Variants in UBA6 observed in about 807,000 individuals in gnomAD.
UBA6 encodes the protein ubiquitin-like modifier-activating enzyme 6.
Under a neutral mutation model 148.3 loss-of-function variants are expected in UBA6, and 87 were observed. The observed-to-expected ratio is 0.59, with a 90% CI of 0.49 to 0.70. The LOEUF is 0.70. Ranked by LOEUF, UBA6 falls within the 30% of genes least tolerant of loss-of-function variation. The probability of loss-of-function intolerance (pLI) is 0.00; values close to 1 mark genes in which losing one functional copy is unlikely to be tolerated. For synonymous variants in UBA6, 376 were observed against 401.0 expected, an observed-to-expected ratio of 0.94 and a Z score of 0.75; for missense variants, 1,186 against 1,241.2, an observed-to-expected ratio of 0.96 and a Z score of 0.67.
chr4:67,668,376 T>C (rs1335906840), intron 9 of UBA6, among the ~76,000 whole-genome samples, 175 bp downstream of exon 9: 3 of 152,186 alleles, frequency 2.0e-5, no homozygotes, highest in East Asian at 1.9e-4. Context: ...CCAGAATGAG[T>C]ATACTCTCTT....
At position 67,631,774 on chromosome 4, in the gene UBA6, G is replaced by T. The variant is rs1729003228; in HGVS notation, c.2195-3C>A. 4 of 1,611,194 alleles carry T rather than the reference G, an allele frequency of 2.5e-6. No homozygotes were observed. The highest frequency in any genetic ancestry group is 2.5e-6 in the Non-Finnish European group (3 of 1,178,750). Reference sequence around the variant, plus strand: ...CTTTGGTGACTGCCAAAATAAACCTGGCAAAAAGATACAAATATCATTTTC... The same window carrying T: ...CTTTGGTGACTGCCAAAATAAACCTTGCAAAAAGATACAAATATCATTTTC... On this transcript the variant is annotated splice_region_variant and splice_polypyrimidine_tract_variant and intron_variant, in intron 24 of 32. Transcript: ENST00000322244.
rs1728626767 is a variant in UBA6, at chr4:67,616,379, T to A, written c.*2618A>T. On this transcript the variant is annotated 3_prime_UTR_variant, in exon 33 of 33. Transcript: ENST00000322244. ...CATTTTACTAATTATAAAATAAACATAGTTGCTTTTTTAATGTTCCATGAA... is the reference window on the plus strand; with the variant it reads ...CATTTTACTAATTATAAAATAAACAAAGTTGCTTTTTTAATGTTCCATGAA... 2.9e-6 allele frequency: 1 copy of A among 344,726 alleles called. No homozygotes were observed. The highest frequency in any genetic ancestry group is 5.2e-6 in the Non-Finnish European group (1 of 192,862). 21.4% of individuals were successfully genotyped at this position (344,726 alleles called of 1,614,324 possible).
At chr4:67,638,823 G>A (rs1186060301) in intron 19 of UBA6, 120 bp downstream of exon 19, 3 of 668,910 alleles carry the variant, frequency 4.5e-6, no homozygotes, top group Non-Finnish European at 7.5e-6. Flanking sequence ...TGTTTGAGGA[G>A]TACTACAATA....
chr4:67,696,844 T>A (rs1730852212), intron 1 of UBA6, 137 bp from the exon 2 acceptor site: 1 of 628,678 alleles, frequency 1.6e-6, no homozygotes, highest in South Asian at 2.3e-5. Flanking sequence ...TTTACTTATA[T>A]TTTTTAAATG....
chr4:67,693,308 C>T (rs1730739456), intron 2 of UBA6, among the ~76,000 whole-genome samples: 1 of 151,362 alleles, frequency 6.6e-6, no homozygotes, highest in African/African-American at 2.4e-5. Flanking sequence ...TTTTCTCTAG[C>T]TTACTTTATT....
At chr4:67,625,929 C>G (rs181584103) in intron 28 of UBA6, among the ~76,000 whole-genome samples, 2 of 151,950 alleles carry the variant, frequency 1.3e-5, no homozygotes, top group East Asian at 3.9e-4. Flanking sequence ...TTACTAAAGA[C>G]TAAGAACCTA....
intron 28 of UBA6, among the ~76,000 whole-genome samples, chr4:67,626,057 T>C (rs1449349043): frequency 6.6e-6 from 1 of 151,910 alleles, no homozygotes; most frequent in Non-Finnish European, 1.5e-5. Context: ...ACAGAGCTTT[T>C]CATTCATGGT....
intron 16 of UBA6, among the ~76,000 whole-genome samples, chr4:67,645,633 ATTCC>A (rs1009550576): frequency 6.6e-6 from 1 of 152,008 alleles, no homozygotes; most frequent in Admixed American, 6.6e-5. Flanking sequence ...ACACTTCTAT[ATTCC>A]TTCATTTAGT....
Position 67,619,086 on chromosome 4 carries a change from G to C in UBA6, c.3070C>G (p.Leu1024Val), listed in dbSNP as rs759620907. 4 of 1,611,680 alleles carry C rather than the reference G, an allele frequency of 2.5e-6. No individual in the cohort carries two copies. The highest frequency in any genetic ancestry group is 3.4e-6 in the Non-Finnish European group (4 of 1,177,894). The change falls in exon 33 of 33, where the codon CTT (leucine) becomes GTT (valine). Residue 1024 changes from leucine (L) to valine (V), a missense_variant. Leu to Val is a conservative substitution (Grantham distance 32). Transcript: ENST00000322244. ...KPTTEKKYVD[L>V]TVSFAPDIDG... ...ATGTCTGGAGCAAATGACACAGTAAGATCCACATATTTCTTTTCAGTAGTA... is the reference window on the plus strand; with the variant it reads ...ATGTCTGGAGCAAATGACACAGTAACATCCACATATTTCTTTTCAGTAGTA...
chr4:67,638,940 T>C lies in UBA6; in HGVS notation c.1736+3A>G. 1 of 1,592,372 alleles carries C rather than the reference T, an allele frequency of 6.3e-7. No individual in the cohort carries two copies. The highest frequency in any genetic ancestry group is 8.6e-7 in the Non-Finnish European group (1 of 1,166,256). ...TGTAGGAACATGAATTTCAAGAACA[T>C]ACCTGTCTACGTATCTCCTGGCTTC... On this transcript the variant is annotated splice_donor_region_variant and intron_variant, in intron 19 of 32. Coordinates refer to ENST00000322244, the MANE Select transcript of UBA6 (RefSeq NM_018227.6).
chr4:67,699,837 C>G (rs1730932992), intron 1 of UBA6, among the ~76,000 whole-genome samples: 1 of 152,178 alleles, frequency 6.6e-6, no homozygotes, highest in Non-Finnish European at 1.5e-5. Context: ...CTCCTGAGCT[C>G]AAGCGACCCG....
chr4:67,614,470 C>G lies in UBA6; in HGVS notation c.*4527G>C, dbSNP rs536987830. 6 of 151,962 alleles carry G rather than the reference C, an allele frequency of 3.9e-5. No homozygotes were observed. The highest frequency in any genetic ancestry group is 1.5e-4 in the African/African-American group (6 of 41,362). The allele number at this position is 151,962 out of a possible 1,614,324, so 9.4% of individuals were successfully genotyped here. The stretch of plus-strand genomic sequence containing the variant: ...TGTTGATGAAATCTGTATTCACATA[C>G]GGGTATAATACATGACTTTGGTGGC... On this transcript the variant is annotated 3_prime_UTR_variant, in exon 33 of 33. Coordinates refer to ENST00000322244, the MANE Select transcript of UBA6 (RefSeq NM_018227.6).
At chr4:67,687,032 A>AT (rs1179837141) in intron 2 of UBA6, among the ~76,000 whole-genome samples, 1 of 108,332 alleles carries the variant, frequency 9.2e-6, no homozygotes, top group South Asian at 2.9e-4. Context: ...CTTTAAGACT[A>AT]TGTTTTTTTT....
intron 1 of UBA6, among the ~76,000 whole-genome samples, chr4:67,700,578 A>G (rs1327783133): frequency 6.6e-6 from 1 of 151,296 alleles, no homozygotes; most frequent in East Asian, 1.9e-4. Context: ...CAGGGTGTCC[A>G]GATTGCTACT....
At chr4:67,681,659 C>A in intron 3 of UBA6, 68 bp from the exon 4 acceptor site, 1 of 1,073,790 alleles carries the variant, frequency 9.3e-7, no homozygotes, top group Non-Finnish European at 1.4e-6. Flanking sequence ...CTTCACAGAG[C>A]TTAGTCACAT....
At chr4:67,670,650 T>C in intron 7 of UBA6, 58 bp from the exon 8 acceptor site, 1 of 1,278,414 alleles carries the variant, frequency 7.8e-7, no homozygotes, top group South Asian at 1.3e-5. Context: ...AACACTCTAG[T>C]ATCTTAGGCC....
intron 18 of UBA6, among the ~76,000 whole-genome samples, chr4:67,640,308 A>G (rs1363517239): frequency 6.6e-6 from 1 of 152,218 alleles, no homozygotes; most frequent in African/African-American, 2.4e-5. Context: ...TTTAGTTCAC[A>G]ACGGACCCTG....
At chr4:67,662,143 G>A (rs1051979025) in intron 13 of UBA6, 46 bp downstream of exon 13, 5 of 1,552,146 alleles carry the variant, frequency 3.2e-6, no homozygotes, top group Non-Finnish European at 4.4e-6. Context: ...GAACACTTAT[G>A]TATTAACAAA....
At chr4:67,638,039 T>A (rs1423533585) in intron 19 of UBA6, 1 of 152,146 alleles carries the variant, frequency 6.6e-6, no homozygotes, top group African/African-American at 2.4e-5. Flanking sequence ...ATAGGTAGAT[T>A]AGAGATCAGG....
Sources: gnomAD v4.1 joint callset for allele counts (sites outside exome capture counted in the v4.1 genomes callset) on GRCh38, gnomAD v4.1.1 for gene constraint, MANE v1.5 for transcripts, NCBI Gene and HGNC (gene_info 2026-07-23, HGNC 2026-07-21) for gene names.